The following ADARB2 variants were observed in gnomAD, a reference collection of about 807,000 sequenced individuals.
ADARB2 encodes adenosine deaminase RNA specific B2 (inactive).
A neutral mutation model predicts 62.2 loss-of-function variants in ADARB2; 25 were observed. The ratio of observed to expected loss-of-function variants is 0.40; its 90% CI spans 0.29 to 0.56. The LOEUF (loss-of-function observed/expected upper bound fraction) is 0.56, where lower values mean the gene tolerates loss of function less well. Among genes scored for constraint, ADARB2 ranks in the 20% least tolerant of loss-of-function variants. The pLI, the probability that ADARB2 is intolerant of heterozygous loss-of-function variation, is 0.43. For missense variants in ADARB2, 1,071 were observed against 1,077.4 expected (o/e 0.99, Z 0.08); for synonymous variants, 572 against 500.8 (o/e 1.14, Z -1.90).
chr10:1,282,277 C>G (rs1213424373), intron 3 of ADARB2, among the ~76,000 whole-genome samples: 3 of 152,214 alleles, frequency 2.0e-5, no homozygotes, highest in Non-Finnish European at 4.4e-5. Context: ...ACAAACCCGT[C>G]TTACTGATAA....
At chr10:1,219,533 C>T (rs1439034870) in intron 6 of ADARB2, among the ~76,000 whole-genome samples, 1 of 152,154 alleles carries the variant, frequency 6.6e-6, no homozygotes, top group Admixed American at 6.5e-5. Context: ...AAATTTGGAC[C>T]GGTCTTTGAG....
chr10:1,285,051 A>G (rs1308180994), intron 3 of ADARB2, among the ~76,000 whole-genome samples: 2 of 152,196 alleles, frequency 1.3e-5, no homozygotes, highest in Non-Finnish European at 2.9e-5. Context: ...GCAATATAGA[A>G]AGCCCTGCAC....
intron 4 of ADARB2, among the ~76,000 whole-genome samples, chr10:1,269,668 G>A (rs1831239810): frequency 6.6e-6 from 1 of 152,106 alleles, no homozygotes; most frequent in Non-Finnish European, 1.5e-5. Context: ...CTCTTGGCCT[G>A]CCAAACTCAC....
intron 1 of ADARB2, among the ~76,000 whole-genome samples, chr10:1,535,953 C>G (rs1046884878): frequency 6.6e-6 from 1 of 152,172 alleles, no homozygotes; most frequent in Non-Finnish European, 1.5e-5. Context: ...GAAAGGGAGG[C>G]AGACATCAAA....
chr10:1,422,522 C>T (rs1189053362), intron 1 of ADARB2, among the ~76,000 whole-genome samples: 2 of 152,146 alleles, frequency 1.3e-5, no homozygotes, highest in African/African-American at 4.8e-5. Flanking sequence ...GAGCTGACGG[C>T]ACTGGTCTTG....
chr10:1,611,584 G>A (rs1414427391), intron 1 of ADARB2, among the ~76,000 whole-genome samples: 1 of 152,134 alleles, frequency 6.6e-6, no homozygotes, highest in Non-Finnish European at 1.5e-5. Flanking sequence ...ATGCATCTTG[G>A]CCTCTTCCTC....
intron 1 of ADARB2, among the ~76,000 whole-genome samples, chr10:1,523,777 A>G (rs185752901): frequency 2.0e-5 from 3 of 152,326 alleles, no homozygotes; most frequent in African/African-American, 4.8e-5. Flanking sequence ...TTTCACCATT[A>G]TATCAGCACA....
chr10:1,694,864 G>T (rs995903049), intron 1 of ADARB2, among the ~76,000 whole-genome samples: 2 of 152,172 alleles, frequency 1.3e-5, no homozygotes, highest in Non-Finnish European at 2.9e-5. Flanking sequence ...CAAAGGTGAG[G>T]CCTGTGGGTG....
chr10:1,701,839 A>G (rs1253525754), intron 1 of ADARB2, among the ~76,000 whole-genome samples: 8 of 145,472 alleles, frequency 5.5e-5, no homozygotes, highest in South Asian at 2.3e-4. Context: ...CAGGGAGACC[A>G]GGCGCTCACC....
At chr10:1,233,975 TTCC>T (rs1490762163) in intron 5 of ADARB2, 130 bp from the exon 6 acceptor site, 45,975 of 499,078 alleles carry the variant, frequency 0.092, 735 homozygotes, top group East Asian at 0.21. Context: ...CCTTTTTTTT[TTCC>T]TTTTTTTTTT....
chr10:1,705,524 G>T (rs1193775158), intron 1 of ADARB2, among the ~76,000 whole-genome samples: 1 of 152,248 alleles, frequency 6.6e-6, no homozygotes, highest in Non-Finnish European at 1.5e-5. Context: ...TAGGCAGGCA[G>T]CTGAGCGGGG....
chr10:1,570,445 CG>C (rs1832919673), intron 1 of ADARB2, among the ~76,000 whole-genome samples: 1 of 75,196 alleles, frequency 1.3e-5, no homozygotes. Context: ...GGAAGCAGGA[CG>C]GGCAGGCACC....
At chr10:1,665,652 G>A (rs1417499428) in intron 1 of ADARB2, among the ~76,000 whole-genome samples, 1 of 152,378 alleles carries the variant, frequency 6.6e-6, no homozygotes, top group Non-Finnish European at 1.5e-5. Context: ...GCCATTCTGA[G>A]GCAGCTCAGG....
rs149232809 is a variant in ADARB2 at position 1,380,566 on chromosome 10, G to A, written c.101-1406C>T. Among the ~76,000 whole-genome samples, 165 of 152,308 alleles carry A rather than the reference G, an allele frequency of 1.1e-3. 1 individual carries two copies. The highest frequency in any genetic ancestry group is 3.9e-3 in the African/African-American group (160 of 41,556). ...GCCTGAAACTGGCTCTTTTTCTTTTGAGGCTGAGCCTGTTTTCTCCTTAGC... is the reference window on the plus strand; with the variant it reads ...GCCTGAAACTGGCTCTTTTTCTTTTAAGGCTGAGCCTGTTTTCTCCTTAGC... On this transcript the variant is annotated intron_variant, in intron 1 of 9. Coordinates refer to ENST00000381312, the MANE Select transcript of ADARB2 (RefSeq NM_018702.4).
intron 1 of ADARB2, among the ~76,000 whole-genome samples, chr10:1,650,344 G>A (rs558917333): frequency 3.9e-5 from 6 of 152,306 alleles, no homozygotes; most frequent in Admixed American, 6.5e-5. Context: ...GGTGTTTTGA[G>A]TAGGTCAGCA....
chr10:1,414,060 C>T (rs147736757), intron 1 of ADARB2, among the ~76,000 whole-genome samples: 1 of 152,190 alleles, frequency 6.6e-6, no homozygotes, highest in African/African-American at 2.4e-5. Flanking sequence ...TGGAAGCCTC[C>T]CTGATACTCC....
chr10:1,271,959 C>G (rs1831267298), intron 3 of ADARB2, among the ~76,000 whole-genome samples: 1 of 152,220 alleles, frequency 6.6e-6, no homozygotes, highest in Admixed American at 6.5e-5. Context: ...TCCTAATTTA[C>G]AAGTGAATCA....
chr10:1,557,756 C>T (rs753542765), intron 1 of ADARB2, among the ~76,000 whole-genome samples: 1 of 151,986 alleles, frequency 6.6e-6, no homozygotes, highest in East Asian at 1.9e-4. Context: ...AATACACACA[C>T]AAAAAATTAG....
rs61833600 is a variant in ADARB2 at position 1,371,918 on chromosome 10, T to C, written c.187+7156A>G. 3.5e-3 allele frequency among the ~76,000 whole-genome samples: 537 copies of C among 151,740 alleles called. 4 individuals carry two copies. Among genetic ancestry groups the C allele is most frequent in the Non-Finnish European group, 5.5e-3 (371 of 67,968 alleles). Reference sequence around the variant, plus strand: ...ACGGTACAGAGATTTCTTAAGGAACTAAGAATAGAACCACCATTTGACCCA... The same window carrying C: ...ACGGTACAGAGATTTCTTAAGGAACCAAGAATAGAACCACCATTTGACCCA... On this transcript the variant is annotated intron_variant, in intron 2 of 9. Transcript: ENST00000381312.
Sources: gnomAD v4.1 joint callset for allele counts (sites outside exome capture counted in the v4.1 genomes callset) on GRCh38, gnomAD v4.1.1 for gene constraint, MANE v1.5 for transcripts, NCBI Gene and HGNC (gene_info 2026-07-23, HGNC 2026-07-21) for gene names.